The following CCDC169 variants were observed in gnomAD, a reference collection of about 807,000 sequenced individuals.
The protein encoded by CCDC169 is coiled-coil domain containing 169.
Under a neutral mutation model 36.0 loss-of-function variants are expected in CCDC169, and 30 were observed. That is an observed-to-expected ratio of 0.83 (90% CI 0.62 to 1.13). CCDC169 has a LOEUF of 1.13. Ranked by LOEUF, CCDC169 falls within the 50% of genes most tolerant of loss-of-function variation. The pLI is 0.00. For missense variants in CCDC169, 245 were observed against 245.9 expected, an observed-to-expected ratio of 1.00 and a Z score of 0.03; for synonymous variants, 85 against 81.5, an observed-to-expected ratio of 1.04 and a Z score of -0.23.
At chr13:36,277,836 T>G (rs932216180) in intron 4 of CCDC169, among the ~76,000 whole-genome samples, 3 of 151,434 alleles carry the variant, frequency 2.0e-5, no homozygotes, top group Non-Finnish European at 4.4e-5. Context: ...TCCCAGCTAC[T>G]CGGGAGGCTG....
intron 7 of CCDC169, among the ~76,000 whole-genome samples, chr13:36,234,838 G>C (rs1870885893): frequency 6.6e-6 from 1 of 152,050 alleles, no homozygotes; most frequent in Admixed American, 6.6e-5. Context: ...AGACTTTTGT[G>C]TTGAAATAAA....
chr13:36,227,670 A>G (rs1033961026), downstream of CCDC169, among the ~76,000 whole-genome samples: 8 of 152,308 alleles, frequency 5.3e-5, no homozygotes, highest in East Asian at 1.5e-3. Context: ...AACTTTACTG[A>G]GGTATAAATC....
chr13:36,262,032 C>G (rs1208069728), intron 4 of CCDC169, among the ~76,000 whole-genome samples: 2 of 152,164 alleles, frequency 1.3e-5, no homozygotes, highest in Non-Finnish European at 2.9e-5. Context: ...TGTTGAGAGA[C>G]TGTCACATGT....
rs1258401856 is a variant in CCDC169 at position 36,283,480 on chromosome 13, G to C, written c.304C>G (p.Arg102Gly). The change falls in exon 4 of 8, where the codon CGA becomes GGA. Residue 102 changes from arginine to glycine, a missense_variant. Physicochemically the swap from Arg to Gly is moderately radical, Grantham distance 125. Transcript: ENST00000239859. ...ACATTTCTACTCACCACTGGCATTC[G>C]TTCATAGACACGAATAGAAGATAGT... ...DRLSSIRVYERMPVESLNTLL... is the reference protein window; with the variant it reads ...DRLSSIRVYEGMPVESLNTLL... 4 of 1,549,522 alleles carry C rather than the reference G, an allele frequency of 2.6e-6. No homozygotes were observed. In the Admixed American group the frequency reaches 7.9e-5, roughly 30 times the overall value.
chr13:36,231,366 G>T (rs1032000288), intron 7 of CCDC169, 74 bp from the exon 8 acceptor site: 2 of 1,404,118 alleles, frequency 1.4e-6, no homozygotes, highest in African/African-American at 2.9e-5. Context: ...GGCCACACAG[G>T]AAGAAATGTA....
intron 6 of CCDC169, among the ~76,000 whole-genome samples, chr13:36,250,877 T>C (rs933298131): frequency 6.6e-6 from 1 of 152,106 alleles, no homozygotes; most frequent in African/African-American, 2.4e-5. Context: ...AATTAGAACT[T>C]CCCGATAATG....
intron 4 of CCDC169, among the ~76,000 whole-genome samples, chr13:36,263,114 TA>T (rs1266323310): frequency 6.6e-6 from 1 of 152,118 alleles, no homozygotes; most frequent in Non-Finnish European, 1.5e-5. Flanking sequence ...TTAATAGAAT[TA>T]AGCAGTTCGA....
At chr13:36,283,564 T>C (rs748477869) in intron 3 of CCDC169, 28 bp downstream of exon 3, 8 of 1,551,024 alleles carry the variant, frequency 5.2e-6, no homozygotes, top group Non-Finnish European at 7.0e-6. Context: ...ACTCAAATTA[T>C]AAAATGTACA....
At chr13:36,229,296 C>G (rs1441371267), downstream of CCDC169, among the ~76,000 whole-genome samples, 3 of 152,122 alleles carry the variant, frequency 2.0e-5, no homozygotes, top group African/African-American at 7.2e-5. Flanking sequence ...TCTTTATACT[C>G]TCTCAACATT....
chr13:36,233,162 T>G (rs1870639619), intron 7 of CCDC169, among the ~76,000 whole-genome samples: 1 of 152,230 alleles, frequency 6.6e-6, no homozygotes. Flanking sequence ...AGGAGATTTA[T>G]TGATGCTAGG....
At chr13:36,243,146 C>T (rs1481193153) in intron 7 of CCDC169, among the ~76,000 whole-genome samples, 1 of 152,180 alleles carries the variant, frequency 6.6e-6, no homozygotes, top group African/African-American at 2.4e-5. Context: ...GCCCTACTCC[C>T]TCTGCCCAAA....
At chr13:36,261,585 C>T (rs972470960) in intron 4 of CCDC169, among the ~76,000 whole-genome samples, 3 of 152,168 alleles carry the variant, frequency 2.0e-5, no homozygotes, top group Admixed American at 1.3e-4. Context: ...TCTTACTATC[C>T]TTTTCAGGTG....
intron 2 of CCDC169, among the ~76,000 whole-genome samples, chr13:36,286,926 T>A (rs1198874994): frequency 6.6e-6 from 1 of 152,070 alleles, no homozygotes; most frequent in Non-Finnish European, 1.5e-5. Context: ...TCCTTTCTCC[T>A]CTCCACTCCT....
intron 4 of CCDC169, among the ~76,000 whole-genome samples, chr13:36,261,865 C>T (rs188958358): frequency 1.5e-4 from 23 of 152,324 alleles, no homozygotes; most frequent in Non-Finnish European, 2.5e-4. Context: ...GAATTTACTG[C>T]AGTGCATTTG....
In CCDC169 at chr13:36,294,072, A is replaced by G. The variant is rs116478594; in HGVS notation, c.163+1706T>C. Among the ~76,000 whole-genome samples, 600 of 152,224 alleles carry G rather than the reference A, an allele frequency of 3.9e-3. 6 individuals are homozygous for G. Among genetic ancestry groups the G allele is most frequent in the African/African-American group, 0.014 (569 of 41,492 alleles). ...CATTCTTCCATATATGGGGATAATAATAACTACCTCACCTGACACAGTCCC... is the reference window on the plus strand; with the variant it reads ...CATTCTTCCATATATGGGGATAATAGTAACTACCTCACCTGACACAGTCCC... On this transcript the variant is annotated intron_variant, in intron 2 of 7. Transcript: ENST00000239859.
At chr13:36,233,301 CA>C (rs1220025644) in intron 7 of CCDC169, among the ~76,000 whole-genome samples, 3 of 151,966 alleles carry the variant, frequency 2.0e-5, no homozygotes, top group African/African-American at 7.2e-5. Flanking sequence ...CAAGCAGCAG[CA>C]AAAACAGTGA....
chr13:36,254,571 C>T (rs536137531), intron 4 of CCDC169, among the ~76,000 whole-genome samples: 1 of 152,148 alleles, frequency 6.6e-6, no homozygotes, highest in Admixed American at 6.5e-5. Context: ...GCCACTGCAC[C>T]GGGCTAATGT....
chr13:36,255,230 C>G (rs753035675), intron 4 of CCDC169, among the ~76,000 whole-genome samples: 4 of 152,168 alleles, frequency 2.6e-5, no homozygotes, highest in Admixed American at 1.3e-4. Context: ...AGTCTCTGGT[C>G]GGGGTCCAGG....
intron 4 of CCDC169, among the ~76,000 whole-genome samples, chr13:36,266,323 A>G (rs1329988983): frequency 5.9e-5 from 9 of 152,164 alleles, no homozygotes; most frequent in Middle Eastern, 3.2e-3. Flanking sequence ...CCTCCGCAGC[A>G]TCTTCCAGGA....
Sources: gnomAD v4.1 joint callset for allele counts (sites outside exome capture counted in the v4.1 genomes callset) on GRCh38, gnomAD v4.1.1 for gene constraint, MANE v1.5 for transcripts, NCBI Gene and HGNC (gene_info 2026-07-23, HGNC 2026-07-21) for gene names.